REPS2: variants seen among roughly 807,000 people sequenced by gnomAD.
REPS2 encodes ralBP1-associated Eps domain-containing protein 2.
REPS2 carries 23 observed loss-of-function variants against 53.6 expected under a neutral mutation model. The observed-to-expected ratio is 0.43, with a 90% CI of 0.31 to 0.61. The LOEUF (loss-of-function observed/expected upper bound fraction) is 0.61. REPS2 is among the 20% of genes least tolerant of loss of function. The probability of loss-of-function intolerance (pLI) is 0.11; values close to 1 mark genes in which losing one functional copy is unlikely to be tolerated. For synonymous variants in REPS2, 238 were observed against 218.6 expected, an observed-to-expected ratio of 1.09 and a Z score of -0.78; for missense variants, 446 against 534.9, an observed-to-expected ratio of 0.83 and a Z score of 1.64.
rs192822854 is a variant in REPS2, at chrX:17,140,951, T to C, written c.1914+1990T>C. ...ACGCCCGGCCAACTTTTTGTATTTTTAGTAGAGGTGGGGTTTCACTGTGTT... is the reference window on the plus strand; with the variant it reads ...ACGCCCGGCCAACTTTTTGTATTTTCAGTAGAGGTGGGGTTTCACTGTGTT... On this transcript the variant is annotated intron_variant, in intron 17 of 17. Transcript: ENST00000357277. 3.6e-5 allele frequency among the ~76,000 whole-genome samples: 4 copies of C among 110,211 alleles called. No homozygotes were observed. The East Asian group carries it at 8.6e-4, about 24-fold the overall frequency.
chrX:17,129,688 G>C (rs2063266499), intron 14 of REPS2, among the ~76,000 whole-genome samples: 2 of 112,281 alleles, frequency 1.8e-5, no homozygotes, highest in Admixed American at 1.9e-4. Flanking sequence ...CCTATTGTTT[G>C]TGTTTTTAGA....
At chrX:17,019,594 C>T (rs751894483) in intron 2 of REPS2, among the ~76,000 whole-genome samples, 37 of 111,403 alleles carry the variant, frequency 3.3e-4, no homozygotes, top group Non-Finnish European at 5.5e-4. Flanking sequence ...GAGGCCAAGA[C>T]GGGAGGATCG....
chrX:17,122,967 C>T (rs1398793208), intron 14 of REPS2, among the ~76,000 whole-genome samples: 2 of 112,219 alleles, frequency 1.8e-5, no homozygotes, highest in East Asian at 2.8e-4. Flanking sequence ...GATAAAATAT[C>T]GGTTCATAGG....
At chrX:17,025,223 G>A (rs1270267152) in intron 4 of REPS2, 38 bp downstream of exon 4, 1 of 1,163,178 alleles carries the variant, frequency 8.6e-7, no homozygotes, top group Admixed American at 2.5e-5. Context: ...CCCAGGCAGT[G>A]TCTTAGAGAC....
intron 7 of REPS2, among the ~76,000 whole-genome samples, chrX:17,054,155 C>G (rs1266735590): frequency 3.6e-5 from 4 of 111,900 alleles, no homozygotes; most frequent in Non-Finnish European, 7.5e-5. Context: ...GTTTGAGACT[C>G]CCCCTTTCTT....
intron 1 of REPS2, among the ~76,000 whole-genome samples, chrX:16,959,912 T>C (rs1281564527): frequency 9.0e-6 from 1 of 111,711 alleles, no homozygotes; most frequent in East Asian, 2.8e-4. Flanking sequence ...CTGTTGAACA[T>C]ATATGCAAAA....
At chrX:17,193,735 CT>C in the REPS2 span, among the ~76,000 whole-genome samples, 1 of 111,338 alleles carries the variant, frequency 9.0e-6, no homozygotes, top group African/African-American at 3.3e-5. Flanking sequence ...CACCACTCCC[CT>C]GATACACTTG....
intron 15 of REPS2, among the ~76,000 whole-genome samples, chrX:17,134,629 G>GTTTTT (rs1359191176): frequency 9.0e-6 from 1 of 110,638 alleles, no homozygotes; most frequent in Non-Finnish European, 1.9e-5. Flanking sequence ...TTTTGTTTTT[G>GTTTTT]TTTTTGTTTT....
intron 2 of REPS2, among the ~76,000 whole-genome samples, chrX:17,018,212 C>CTTTTTTTTT (rs200578522): frequency 1.1e-5 from 1 of 92,295 alleles, no homozygotes; most frequent in Non-Finnish European, 2.1e-5. Context: ...TGGCAACTGC[C>CTTTTTTTTT]TTTTTTTTTT....
At chrX:17,090,024 A>G (rs956430197) in intron 13 of REPS2, among the ~76,000 whole-genome samples, 2 of 112,284 alleles carry the variant, frequency 1.8e-5, no homozygotes, top group African/African-American at 6.5e-5. Flanking sequence ...CTATTTCTTT[A>G]TATCCTCACC....
chrX:16,968,319 C>G (rs2060804319), intron 1 of REPS2, among the ~76,000 whole-genome samples: 1 of 112,911 alleles, frequency 8.9e-6, no homozygotes, highest in African/African-American at 3.2e-5. Flanking sequence ...CACAAAACCG[C>G]CATTGTCATC....
intron 14 of REPS2, among the ~76,000 whole-genome samples, chrX:17,118,808 T>C (rs1032464817): frequency 8.9e-6 from 1 of 112,456 alleles, no homozygotes; most frequent in Non-Finnish European, 1.9e-5. Flanking sequence ...TACATTCATC[T>C]TAGCCAAAAT....
intron 13 of REPS2, among the ~76,000 whole-genome samples, chrX:17,098,649 T>A (rs2062741210): frequency 9.0e-6 from 1 of 110,633 alleles, no homozygotes; most frequent in East Asian, 2.8e-4. Flanking sequence ...AGTGAACCAC[T>A]GCCCAGTATG....
rs1208699291 is a variant in REPS2 at position 17,099,831 on chromosome X, TAGA to T, written c.1517-3884_1517-3882del. ...GGAATGCCACGTCAGCCTTTCCTCA[TAGA>T]AGGATATGACAACCCGTGGGCATTT... is the stretch of plus-strand genomic sequence containing the variant. On this transcript the variant is annotated intron_variant, in intron 13 of 17. Transcript: ENST00000357277. The T allele has an allele frequency of 3.1e-5, 18 of 584,142 alleles. No individual in the cohort carries two copies. In the East Asian group the frequency reaches 5.5e-4, roughly 18 times the overall value. The allele number at this position is 584,142 out of a possible 1,213,427, so 48.1% of individuals were successfully genotyped here.
chrX:17,075,082 C>A (rs1387693758), intron 12 of REPS2, among the ~76,000 whole-genome samples: 2 of 111,627 alleles, frequency 1.8e-5, no homozygotes, highest in African/African-American at 6.5e-5. Flanking sequence ...ATACAGATAT[C>A]TATATTTTTA....
intron 16 of REPS2, chrX:17,137,772 A>G (rs2063391623): frequency 9.0e-6 from 1 of 111,040 alleles, no homozygotes; most frequent in African/African-American, 3.3e-5. Context: ...ATTCCCAGCC[A>G]ATTTCATTTT....
At chrX:16,965,115 C>T (rs1379802157) in intron 1 of REPS2, among the ~76,000 whole-genome samples, 8 of 86,235 alleles carry the variant, frequency 9.3e-5, no homozygotes, top group South Asian at 6.0e-4. Flanking sequence ...CCCTCCCGGA[C>T]GGGGCGGCTG....
At chrX:16,992,638 A>C (rs1332154081) in intron 1 of REPS2, among the ~76,000 whole-genome samples, 1 of 111,938 alleles carries the variant, frequency 8.9e-6, no homozygotes, top group Non-Finnish European at 1.9e-5. Flanking sequence ...TGGTAGATGC[A>C]AGGACTGGGC....
Position 17,129,490 on chromosome X carries a change from G to A in REPS2, c.1579-4334G>A, listed in dbSNP as rs189137032. On this transcript the variant is annotated intron_variant, in intron 14 of 17. Transcript: ENST00000357277. ...GGTCCCTCCTGAGATTCGCTCCTCCGAATGCTTGATAGATGGATCAATTTA... is the reference window on the plus strand; with the variant it reads ...GGTCCCTCCTGAGATTCGCTCCTCCAAATGCTTGATAGATGGATCAATTTA... Among the ~76,000 whole-genome samples the A allele has an allele frequency of 1.4e-3, 161 of 111,413 alleles. 1 individual carries two copies. In the Middle Eastern group the frequency reaches 0.019, roughly 13 times the overall value.
Sources: gnomAD v4.1 joint callset for allele counts (sites outside exome capture counted in the v4.1 genomes callset) on GRCh38, gnomAD v4.1.1 for gene constraint, MANE v1.5 for transcripts, NCBI Gene and HGNC (gene_info 2026-07-23, HGNC 2026-07-21) for gene names.